The following SRGAP1 variants were observed in gnomAD, a reference collection of about 807,000 sequenced individuals.
SRGAP1 encodes the protein SLIT-ROBO Rho GTPase-activating protein 1.
In SRGAP1, 43 loss-of-function variants were observed where a neutral mutation model predicts 121.9. The ratio of observed to expected loss-of-function variants is 0.35; its 90% confidence interval spans 0.28 to 0.46. SRGAP1 has a LOEUF of 0.46. Among genes scored for constraint, SRGAP1 ranks in the 20% least tolerant of loss-of-function variants. The pLI, the probability that SRGAP1 is intolerant of heterozygous loss-of-function variation, is 1.00. For synonymous variants in SRGAP1, 447 were observed against 485.4 expected, an observed-to-expected ratio of 0.92 and a Z score of 1.04; for missense variants, 1,102 against 1,350.9, an observed-to-expected ratio of 0.82 and a Z score of 2.89.
chr12:63,931,031 CT>C (rs1262346530), intron 1 of SRGAP1, among the ~76,000 whole-genome samples: 1 of 152,166 alleles, frequency 6.6e-6, no homozygotes, highest in African/African-American at 2.4e-5. Flanking sequence ...CACCCTCCCC[CT>C]CCTTTTGTTT....
intron 4 of SRGAP1, among the ~76,000 whole-genome samples, chr12:64,017,729 T>TC (rs1467372158): frequency 2.6e-5 from 4 of 152,138 alleles, no homozygotes; most frequent in African/African-American, 9.7e-5. Context: ...TTTCTTTTTT[T>TC]CCCACATTTT....
In SRGAP1 at chr12:64,152,940, C is replaced by T. The variant is rs897522423; in HGVS notation, c.*10268C>T. ...AAAAAAAAAAAAAAAAAAAAAACCA[C>T]TACATAAGCCAACAGCTAAACCGGC... On this transcript the variant is annotated 3_prime_UTR_variant, in exon 22 of 22. Coordinates refer to ENST00000355086, the MANE Select transcript of SRGAP1 (RefSeq NM_020762.4). 8.0e-5 allele frequency: 11 copies of T among 137,006 alleles called. No individual in the cohort carries two copies. The highest frequency in any genetic ancestry group is 3.9e-3 in the Middle Eastern group (1 of 258). 8.5% of individuals were successfully genotyped at this position (137,006 alleles called of 1,614,324 possible). A position where few individuals can be genotyped will look rare whatever the true frequency, so the allele number is the denominator to read the frequency against.
At chr12:64,137,906 C>T (rs1198692900) in intron 21 of SRGAP1, among the ~76,000 whole-genome samples, 1 of 149,716 alleles carries the variant, frequency 6.7e-6, no homozygotes, top group Non-Finnish European at 1.5e-5. Flanking sequence ...CAGTGGTTCT[C>T]CACCATCTCA....
intron 4 of SRGAP1, among the ~76,000 whole-genome samples, chr12:64,029,555 T>C (rs2136484755): frequency 6.6e-6 from 1 of 152,188 alleles, no homozygotes; most frequent in Non-Finnish European, 1.5e-5. Flanking sequence ...AGCTGACACC[T>C]GAATTTAGTG....
At chr12:64,006,524 T>C (rs1295867966) in intron 3 of SRGAP1, among the ~76,000 whole-genome samples, 1 of 152,178 alleles carries the variant, frequency 6.6e-6, no homozygotes, top group Non-Finnish European at 1.5e-5. Context: ...TATGTTGTTA[T>C]CTAAGCAATT....
chr12:64,061,429 T>G (rs1028973187), intron 6 of SRGAP1, among the ~76,000 whole-genome samples: 2 of 152,200 alleles, frequency 1.3e-5, no homozygotes, highest in Non-Finnish European at 2.9e-5. Context: ...CTACACAGAT[T>G]TCAATAAATG....
chr12:63,998,726 T>C (rs1037182931), intron 3 of SRGAP1, among the ~76,000 whole-genome samples: 2 of 152,228 alleles, frequency 1.3e-5, no homozygotes, highest in African/African-American at 4.8e-5. Context: ...GCCTGCCATT[T>C]GACTCTTAAG....
chr12:64,036,880 A>G (rs955951487), intron 4 of SRGAP1, among the ~76,000 whole-genome samples: 2 of 152,324 alleles, frequency 1.3e-5, no homozygotes, highest in Middle Eastern at 6.8e-3. Flanking sequence ...GACAGTTTTA[A>G]GAATCTGAAG....
chr12:63,930,793 G>A (rs1334980045), intron 1 of SRGAP1, among the ~76,000 whole-genome samples: 1 of 152,092 alleles, frequency 6.6e-6, no homozygotes, highest in African/African-American at 2.4e-5. Flanking sequence ...TGAAAAAGCC[G>A]CATATGGCAA....
At chr12:64,094,070 T>G (rs570891035) in intron 12 of SRGAP1, among the ~76,000 whole-genome samples, 59 of 152,316 alleles carry the variant, frequency 3.9e-4, no homozygotes, top group Middle Eastern at 3.4e-3. Flanking sequence ...TTTTTTTGGC[T>G]TTCTTTTTAA....
At chr12:64,116,219 T>C (rs2036519520) in intron 18 of SRGAP1, among the ~76,000 whole-genome samples, 1 of 138,016 alleles carries the variant, frequency 7.2e-6, no homozygotes, top group Non-Finnish European at 1.5e-5. Context: ...ATAGCGCCAC[T>C]GCCCTCCAGC....
chr12:64,073,671 G>C (rs965561310), intron 8 of SRGAP1, among the ~76,000 whole-genome samples: 6 of 150,374 alleles, frequency 4.0e-5, no homozygotes, highest in Admixed American at 2.6e-4. Flanking sequence ...ACTGGGTTTT[G>C]TTATTTTTTA....
At chr12:64,094,408 CTG>C (rs2036115136) in intron 12 of SRGAP1, among the ~76,000 whole-genome samples, 1 of 152,116 alleles carries the variant, frequency 6.6e-6, no homozygotes, top group Non-Finnish European at 1.5e-5. Flanking sequence ...AATGAAAAAT[CTG>C]TAAGTTCTGA....
At chr12:63,876,584 A>G (rs577355529) in intron 1 of SRGAP1, among the ~76,000 whole-genome samples, 1 of 152,370 alleles carries the variant, frequency 6.6e-6, no homozygotes, top group Non-Finnish European at 1.5e-5. Context: ...TAAATACTAC[A>G]AAATTCAAGA....
intron 3 of SRGAP1, among the ~76,000 whole-genome samples, chr12:64,001,851 G>T (rs2033910824): frequency 6.6e-6 from 1 of 152,172 alleles, no homozygotes; most frequent in Non-Finnish European, 1.5e-5. Flanking sequence ...TCCCCAAAAG[G>T]TAGATGAAAT....
In SRGAP1 at chr12:64,142,542, C is replaced by T; in HGVS notation, c.3128C>T (p.Ala1043Val). The T allele has an allele frequency of 6.2e-7, 1 of 1,614,166 alleles. No homozygotes were observed. The highest frequency in any genetic ancestry group is 8.5e-7 in the Non-Finnish European group (1 of 1,180,022). ...DTMSTFKPMVAPRMGVQLKPP... is the reference protein window; with the variant it reads ...DTMSTFKPMVVPRMGVQLKPP... ...ATGAGTACTTTCAAGCCTATGGTGG[C>T]ACCCAGAATGGGCGTGCAGCTGAAG... is the stretch of plus-strand genomic sequence containing the variant. Residue 1043 changes from alanine (A) to valine (V), a missense_variant, in exon 22 of 22, where the codon GCA becomes GTA. Transcript: ENST00000355086.
At chr12:63,989,062 G>A (rs769944665) in intron 2 of SRGAP1, among the ~76,000 whole-genome samples, 3 of 152,076 alleles carry the variant, frequency 2.0e-5, no homozygotes, top group South Asian at 2.1e-4. Flanking sequence ...CACCCGCCTC[G>A]GCCTCCCAAA....
intron 1 of SRGAP1, among the ~76,000 whole-genome samples, chr12:63,958,290 G>A (rs1450833556): frequency 1.3e-5 from 2 of 152,124 alleles, no homozygotes; most frequent in East Asian, 1.9e-4. Flanking sequence ...CATCCTCAGA[G>A]TGCCACTCTC....
chr12:63,934,999 C>T (rs774739573), intron 1 of SRGAP1, among the ~76,000 whole-genome samples: 13 of 152,126 alleles, frequency 8.5e-5, no homozygotes, highest in Non-Finnish European at 1.6e-4. Flanking sequence ...TGTCTTTGGG[C>T]GTTGTCATTA....
Sources: gnomAD v4.1 joint callset for allele counts (sites outside exome capture counted in the v4.1 genomes callset) on GRCh38, gnomAD v4.1.1 for gene constraint, MANE v1.5 for transcripts, NCBI Gene and HGNC (gene_info 2026-07-23, HGNC 2026-07-21) for gene names.